ANK2: variants seen among roughly 807,000 people sequenced by gnomAD.
The protein encoded by ANK2 is ankyrin-2.
ANK2 carries 83 observed loss-of-function variants against 360.5 expected under a neutral mutation model. That is an observed-to-expected ratio of 0.23 (90% CI 0.19 to 0.28). ANK2 has a LOEUF of 0.28. Among genes scored for constraint, ANK2 ranks in the 10% least tolerant of loss-of-function variants. The pLI is 1.00. For missense variants in ANK2, 4,201 were observed against 4,795.7 expected (o/e 0.88, Z 3.66); for synonymous variants, 1,740 against 1,759.5 (o/e 0.99, Z 0.28).
intron 1 of ANK2, among the ~76,000 whole-genome samples, chr4:112,860,540 G>A (rs2067681968): frequency 6.6e-6 from 1 of 152,154 alleles, no homozygotes; most frequent in South Asian, 2.1e-4. Context: ...AACTGGGAAA[G>A]ACACTTGAAC....
chr4:112,978,472 A>T (rs1210936406), intron 2 of ANK2, among the ~76,000 whole-genome samples: 1 of 152,184 alleles, frequency 6.6e-6, no homozygotes, highest in Non-Finnish European at 1.5e-5. Context: ...TTAAATAGTA[A>T]GGCCCAGTTT....
chr4:113,330,526 A>G lies in ANK2; in HGVS notation c.3125+56A>G, dbSNP rs1344122333. The stretch of plus-strand genomic sequence containing the variant: ...TCATCGATGAGCTTGTGTCCTCTAC[A>G]TGAAATCACTAGGATGGAATGGAAA... On this transcript the variant is annotated intron_variant, in intron 27 of 45. Transcript: ENST00000357077. The G allele has an allele frequency of 2.6e-6, 4 of 1,551,752 alleles. No individual in the cohort carries two copies. The Admixed American group carries it at 6.8e-5, about 26-fold the overall frequency.
At chr4:112,826,494 G>T in intron 1 of ANK2, 3 of 1,166,886 alleles carry the variant, frequency 2.6e-6, no homozygotes, top group Non-Finnish European at 3.8e-6. Context: ...TACATCTACT[G>T]GGACCACATC....
intron 2 of ANK2, among the ~76,000 whole-genome samples, chr4:112,964,111 CA>C (rs2036097824): frequency 6.9e-6 from 1 of 145,890 alleles, no homozygotes; most frequent in Non-Finnish European, 1.5e-5. Flanking sequence ...TTTGTGGGTA[CA>C]TAGGTGGTGT....
the ANK2 span, chr4:112,788,527 C>G: frequency 6.3e-7 from 1 of 1,582,074 alleles, no homozygotes; most frequent in East Asian, 2.2e-5. Flanking sequence ...CAGCTTTCTT[C>G]TCGGCCTGGG....
At chr4:113,346,526 A>G (rs1486634204) in intron 35 of ANK2, among the ~76,000 whole-genome samples, 1 of 150,972 alleles carries the variant, frequency 6.6e-6, no homozygotes, top group African/African-American at 2.4e-5. Flanking sequence ...CTAAGTAATT[A>G]ACTATTAATC....
intron 22 of ANK2, among the ~76,000 whole-genome samples, chr4:113,299,457 C>A (rs924795888): frequency 1.3e-5 from 2 of 152,144 alleles, no homozygotes; most frequent in African/African-American, 4.8e-5. Context: ...GTAATACCAG[C>A]ACTTTGGGAG....
chr4:112,829,013 C>T lies in ANK2; in HGVS notation c.-40+10749C>T, dbSNP rs180941223. Among the ~76,000 whole-genome samples the T allele has an allele frequency of 2.4e-3, 366 of 152,104 alleles. 4 individuals are homozygous for T. The highest frequency in any genetic ancestry group is 2.0e-3 in the Non-Finnish European group (135 of 67,996). ...TACTAAAAGCAAAACAAAAATTAGC[C>T]GGGCGTGGTGGCGCCTGTAATCCCA... On this transcript the variant is annotated intron_variant, in intron 1 of 30. Coordinates refer to the ANK2 transcript ENST00000503271.
intron 2 of ANK2, among the ~76,000 whole-genome samples, chr4:113,030,932 A>G (rs1366411737): frequency 2.0e-5 from 3 of 152,046 alleles, no homozygotes; most frequent in Non-Finnish European, 2.9e-5. Context: ...ATTGAGATGG[A>G]AGAAAAATGG....
At chr4:113,209,426 G>T (rs763249985) in intron 4 of ANK2, among the ~76,000 whole-genome samples, 17 of 152,020 alleles carry the variant, frequency 1.1e-4, no homozygotes, top group Non-Finnish European at 2.4e-4. Context: ...GGACAGCTTT[G>T]CAGGGCTACT....
At chr4:113,175,379 G>A (rs1317688035) in intron 2 of ANK2, among the ~76,000 whole-genome samples, 1 of 152,052 alleles carries the variant, frequency 6.6e-6, no homozygotes, top group Admixed American at 6.6e-5. Context: ...AACTGAGCCC[G>A]GTATCTTATC....
chr4:112,879,526 C>G (rs984115182), intron 1 of ANK2, among the ~76,000 whole-genome samples: 1 of 151,962 alleles, frequency 6.6e-6, no homozygotes, highest in Non-Finnish European at 1.5e-5. Flanking sequence ...ACCACCCAGC[C>G]AAGCCACTCC....
chr4:112,795,821 C>T, the ANK2 span, among the ~76,000 whole-genome samples: 14,885 of 122,842 alleles, frequency 0.12, 961 homozygotes, highest in Middle Eastern at 0.23. Context: ...TTTTTTGAGA[C>T]AGGTTGTCAC....
intron 2 of ANK2, among the ~76,000 whole-genome samples, chr4:113,177,098 AC>A (rs2098239584): frequency 3.9e-5 from 6 of 152,118 alleles, no homozygotes. Context: ...AATATTTAAT[AC>A]TTTTCACGTA....
At chr4:112,963,463 T>A (rs1305258049) in intron 2 of ANK2, among the ~76,000 whole-genome samples, 1 of 152,160 alleles carries the variant, frequency 6.6e-6, no homozygotes, top group Non-Finnish European at 1.5e-5. Flanking sequence ...TAGATTGTAG[T>A]CATTCTTGAA....
chr4:112,865,464 A>G (rs2070154130), intron 1 of ANK2, among the ~76,000 whole-genome samples: 1 of 152,234 alleles, frequency 6.6e-6, no homozygotes, highest in Non-Finnish European at 1.5e-5. Flanking sequence ...TTCTGAGTAT[A>G]TGAAAAGTAT....
intron 2 of ANK2, among the ~76,000 whole-genome samples, chr4:112,953,117 C>G (rs1487069563): frequency 6.6e-6 from 1 of 152,116 alleles, no homozygotes; most frequent in African/African-American, 2.4e-5. Context: ...GCAATTTGCT[C>G]AAGGTTACAT....
chr4:112,886,652 ACT>A (rs1431132722), intron 1 of ANK2, among the ~76,000 whole-genome samples: 7 of 152,082 alleles, frequency 4.6e-5, no homozygotes, highest in African/African-American at 1.7e-4. Context: ...ACAGAGCGAG[ACT>A]CTGTCTCAAA....
chr4:113,138,075 T>C (rs960170574), intron 1 of ANK2, among the ~76,000 whole-genome samples: 1 of 152,178 alleles, frequency 6.6e-6, no homozygotes, highest in Non-Finnish European at 1.5e-5. Flanking sequence ...ATGATACATA[T>C]TCAGGGTATT....
Sources: gnomAD v4.1 joint callset for allele counts (sites outside exome capture counted in the v4.1 genomes callset) on GRCh38, gnomAD v4.1.1 for gene constraint, MANE v1.5 for transcripts, NCBI Gene and HGNC (gene_info 2026-07-23, HGNC 2026-07-21) for gene names.